HOMER2: variants seen among roughly 807,000 people sequenced by gnomAD.
HOMER2 encodes homer protein homolog 2.
In HOMER2, 27 loss-of-function variants were observed where a neutral mutation model predicts 47.0. The ratio of observed to expected loss-of-function variants is 0.57; its 90% CI spans 0.42 to 0.79. HOMER2 has a LOEUF of 0.79. Ranked by LOEUF, HOMER2 falls within the 30% of genes least tolerant of loss-of-function variation. The pLI, the probability that HOMER2 is intolerant of heterozygous loss-of-function variation, is 0.00. For missense variants in HOMER2, 443 were observed against 435.0 expected, an observed-to-expected ratio of 1.02 and a Z score of -0.16; for synonymous variants, 161 against 163.8, an observed-to-expected ratio of 0.98 and a Z score of 0.13.
At chr15:82,957,452 G>A (rs1791157706), upstream of HOMER2, among the ~76,000 whole-genome samples, 1 of 152,062 alleles carries the variant, frequency 6.6e-6, no homozygotes, top group South Asian at 2.1e-4. Context: ...TTGTCAAAAT[G>A]GTTCTTATAT....
chr15:82,908,771 G>A (rs2053363228), intron 1 of HOMER2, among the ~76,000 whole-genome samples: 1 of 151,768 alleles, frequency 6.6e-6, no homozygotes, highest in Non-Finnish European at 1.5e-5. Flanking sequence ...GATCAAACAT[G>A]GAGGATGAAG....
At chr15:82,946,201 G>A (rs988733341) in intron 1 of HOMER2, among the ~76,000 whole-genome samples, 10 of 152,130 alleles carry the variant, frequency 6.6e-5, no homozygotes, top group African/African-American at 1.9e-4. Context: ...TCTGCTCAGC[G>A]TCCCGCTTCA....
intron 4 of HOMER2, among the ~76,000 whole-genome samples, chr15:82,861,021 GA>G (rs369649346): frequency 1.9e-4 from 27 of 143,420 alleles, no homozygotes; most frequent in Admixed American, 4.2e-4. Flanking sequence ...GAAAACAAAA[GA>G]AAAAAAGAGA....
At chr15:82,865,458 C>A (rs1359295775) in intron 3 of HOMER2, among the ~76,000 whole-genome samples, 1 of 152,152 alleles carries the variant, frequency 6.6e-6, no homozygotes, top group East Asian at 1.9e-4. Context: ...TAGGCTTGCA[C>A]AGCCCTGTCC....
rs1298561101 is a variant in HOMER2 at position 82,849,711 on chromosome 15, A to G, written c.*4T>C. ...CACGGGCGGGGCCTGGGCCTCGGCCAGCCCTAGTTATCGGTGCCCAGCTTG... is the reference window on the plus strand; with the variant it reads ...CACGGGCGGGGCCTGGGCCTCGGCCGGCCCTAGTTATCGGTGCCCAGCTTG... On this transcript the variant is annotated 3_prime_UTR_variant, in exon 9 of 9. Coordinates refer to ENST00000450735, the MANE Select transcript of HOMER2 (RefSeq NM_004839.4). The G allele has an allele frequency of 1.2e-6, 2 of 1,611,776 alleles. No individual in the cohort carries two copies. Among genetic ancestry groups the G allele is most frequent in the Non-Finnish European group, 1.7e-6 (2 of 1,179,092 alleles).
intron 1 of HOMER2, among the ~76,000 whole-genome samples, chr15:82,935,327 A>C (rs957979244): frequency 3.0e-4 from 45 of 151,658 alleles, no homozygotes; most frequent in African/African-American, 1.1e-3. Flanking sequence ...TGCTTAGGAC[A>C]CTTCTCCACT....
exon 2 of HOMER2, chr15:82,838,966 T>G (rs2051151436): frequency 6.6e-6 from 1 of 152,222 alleles, no homozygotes; most frequent in Non-Finnish European, 1.5e-5. Flanking sequence ...TGGAAAAACC[T>G]TTTCTGGTGG....
intron 3 of HOMER2, among the ~76,000 whole-genome samples, chr15:82,865,534 TAAGAAA>T (rs1348874802): frequency 1.3e-5 from 2 of 152,202 alleles, no homozygotes; most frequent in African/African-American, 4.8e-5. Flanking sequence ...CAAGTGTATC[TAAGAAA>T]AAGATTTTGT....
chr15:82,952,022 T>C (rs67634629), intron 1 of HOMER2: 100,427 of 981,842 alleles, frequency 0.1, 5,321 homozygotes, highest in African/African-American at 0.15. Flanking sequence ...AGGTTCCTTA[T>C]AGACTTCCAT....
downstream of HOMER2, among the ~76,000 whole-genome samples, chr15:82,847,551 C>T (rs769709835): frequency 1.3e-5 from 2 of 152,220 alleles, no homozygotes; most frequent in Non-Finnish European, 2.9e-5. Flanking sequence ...GGAAATGGCT[C>T]TTCCAACATT....
At chr15:82,985,564 G>A (rs1727152681) in intron 1 of HOMER2, 1 of 152,272 alleles carries the variant, frequency 6.6e-6, no homozygotes, top group African/African-American at 2.4e-5. Flanking sequence ...AAGTTTCCAA[G>A]TTGGTTGTAT....
chr15:82,956,675 A>G (rs897251573), upstream of HOMER2, among the ~76,000 whole-genome samples: 5 of 152,246 alleles, frequency 3.3e-5, no homozygotes. Flanking sequence ...GGTAGACTCA[A>G]TAAGACTTGG....
chr15:82,917,012 G>A (rs1437753041), intron 1 of HOMER2, among the ~76,000 whole-genome samples: 1 of 152,130 alleles, frequency 6.6e-6, no homozygotes, highest in East Asian at 1.9e-4. Context: ...ATGTTGGCCA[G>A]GATGGCCTCG....
intron 1 of HOMER2, among the ~76,000 whole-genome samples, chr15:82,905,514 G>A (rs949500707): frequency 1.3e-5 from 2 of 151,904 alleles, no homozygotes; most frequent in Non-Finnish European, 2.9e-5. Flanking sequence ...TATACCCTAG[G>A]CATATCACAT....
At chr15:82,912,392 T>A (rs1166825904) in intron 1 of HOMER2, among the ~76,000 whole-genome samples, 2 of 152,244 alleles carry the variant, frequency 1.3e-5, no homozygotes, top group Non-Finnish European at 2.9e-5. Context: ...ATTTCTGAGG[T>A]TGATCCATGT....
chr15:82,860,426 C>A (rs547284167), intron 4 of HOMER2, among the ~76,000 whole-genome samples: 1 of 152,086 alleles, frequency 6.6e-6, no homozygotes, highest in African/African-American at 2.4e-5. Context: ...AATTTCCTAA[C>A]TGTTAAAGCT....
At chr15:82,971,361 A>C (rs2029979849) in intron 1 of HOMER2, among the ~76,000 whole-genome samples, 1 of 151,950 alleles carries the variant, frequency 6.6e-6, no homozygotes, top group African/African-American at 2.4e-5. Context: ...AAGAATTCTG[A>C]ATCAGGTGAG....
intron 3 of HOMER2, among the ~76,000 whole-genome samples, chr15:82,868,606 TGGTACGA>T (rs2052072035): frequency 7.0e-6 from 1 of 141,884 alleles, no homozygotes; most frequent in South Asian, 2.3e-4. Context: ...TGGAGTGCAG[TGGTACGA>T]TCTTGGCTCA....
In HOMER2 at chr15:82,852,202, C is replaced by G. The variant is rs369058288; in HGVS notation, c.702G>C (p.Lys234Asn). 24 of 1,613,984 alleles carry G rather than the reference C, an allele frequency of 1.5e-5. No homozygotes were observed. The African/African-American group carries it at 2.5e-4, about 17-fold the overall frequency. Residue 234 changes from lysine (K) to asparagine (N), a missense_variant, in exon 7 of 9, where the codon AAG becomes AAC. Coordinates refer to ENST00000450735, the MANE Select transcript of HOMER2 (RefSeq NM_004839.4). The stretch of plus-strand genomic sequence containing the variant: ...CGATCCTCCTCTTCAGCTGCGTGTT[C>G]TTCTCCTTCTCTCTGTTGATCTCAC... ...QCSEINREKE[K>N]NTQLKRRIEE... is the part of the protein sequence containing the mutation.
Sources: gnomAD v4.1 joint callset for allele counts (sites outside exome capture counted in the v4.1 genomes callset) on GRCh38, gnomAD v4.1.1 for gene constraint, MANE v1.5 for transcripts, NCBI Gene and HGNC (gene_info 2026-07-23, HGNC 2026-07-21) for gene names.